The following ATP8A2 variants were observed in gnomAD, a reference collection of about 807,000 sequenced individuals.
ATP8A2 encodes ATPase phospholipid transporting 8A2, also known as phospholipid-transporting ATPase IB.
In ATP8A2, 100 loss-of-function variants were observed where a neutral mutation model predicts 165.6. The observed-to-expected ratio is 0.60, with a 90% CI of 0.51 to 0.71. The LOEUF (loss-of-function observed/expected upper bound fraction) is 0.71, where lower values mean the gene tolerates loss of function less well. ATP8A2 is among the 30% of genes least tolerant of loss of function. The pLI, the probability that ATP8A2 is intolerant of heterozygous loss-of-function variation, is 0.00. For missense variants in ATP8A2, 1,227 were observed against 1,479.5 expected (o/e 0.83, Z 2.80); for synonymous variants, 543 against 548.8 (o/e 0.99, Z 0.15).
At chr13:25,974,049 G>A (rs1955971236) in intron 35 of ATP8A2, among the ~76,000 whole-genome samples, 1 of 152,220 alleles carries the variant, frequency 6.6e-6, no homozygotes, top group African/African-American at 2.4e-5. Flanking sequence ...TTTCCTTCCA[G>A]CTGCATTTTT....
At chr13:25,784,264 C>T (rs1472341947) in intron 27 of ATP8A2, among the ~76,000 whole-genome samples, 1 of 152,144 alleles carries the variant, frequency 6.6e-6, no homozygotes, top group Non-Finnish European at 1.5e-5. Flanking sequence ...GAAACAGAGC[C>T]CATGCAAAGA....
intron 24 of ATP8A2, among the ~76,000 whole-genome samples, chr13:25,613,547 C>A (rs1249553674): frequency 6.6e-6 from 1 of 152,074 alleles, no homozygotes; most frequent in Non-Finnish European, 1.5e-5. Context: ...GCACTCCAGC[C>A]TGGAGACAGA....
At chr13:25,457,639 A>G (rs1165753706) in intron 1 of ATP8A2, among the ~76,000 whole-genome samples, 1 of 152,214 alleles carries the variant, frequency 6.6e-6, no homozygotes, top group Non-Finnish European at 1.5e-5. Context: ...ACACTCATCT[A>G]TGGCACCTTA....
At chr13:25,476,469 G>T (rs2035999812) in intron 2 of ATP8A2, among the ~76,000 whole-genome samples, 1 of 151,924 alleles carries the variant, frequency 6.6e-6, no homozygotes, top group African/African-American at 2.4e-5. Context: ...TTGAATTTTT[G>T]GTAGAGAACG....
intron 24 of ATP8A2, among the ~76,000 whole-genome samples, chr13:25,681,884 C>A (rs568862130): frequency 6.6e-6 from 1 of 152,222 alleles, no homozygotes; most frequent in Non-Finnish European, 1.5e-5. Context: ...TGAGAACAAA[C>A]GAAGACTTGG....
chr13:25,945,535 G>A (rs987226353), intron 33 of ATP8A2, among the ~76,000 whole-genome samples: 1 of 152,132 alleles, frequency 6.6e-6, no homozygotes, highest in African/African-American at 2.4e-5. Context: ...ATTAATTCAA[G>A]TCTTTTCTCC....
intron 2 of ATP8A2, among the ~76,000 whole-genome samples, chr13:25,482,211 A>G (rs1244687294): frequency 1.3e-5 from 2 of 152,182 alleles, no homozygotes; most frequent in African/African-American, 4.8e-5. Context: ...GCCTTAGAGG[A>G]AAACCATCTG....
In ATP8A2 at chr13:25,750,109, T is replaced by C. The variant is rs1432541474; in HGVS notation, c.2385-18937T>C. ...TTCATCTTTAGAAATCATCTGATTG[T>C]CTCAATATTTATTTACTTATTTGTG... On this transcript the variant is annotated intron_variant, in intron 25 of 36. Transcript: ENST00000381655. The surrounding 1 kb of genome is among the most constrained non-coding windows in gnomAD (Gnocchi z 4.3). Among the ~76,000 whole-genome samples, 3 of 152,166 alleles carry C rather than the reference T, an allele frequency of 2.0e-5. No homozygotes were observed. Among genetic ancestry groups the C allele is most frequent in the Non-Finnish European group, 4.4e-5 (3 of 68,020 alleles).
intron 33 of ATP8A2, among the ~76,000 whole-genome samples, chr13:25,900,149 C>G (rs1593528427): frequency 6.6e-6 from 1 of 152,210 alleles, no homozygotes; most frequent in East Asian, 1.9e-4. Flanking sequence ...GAGGATAAGA[C>G]AGGAATTTAT....
chr13:25,977,481 G>A (rs1434443025), intron 35 of ATP8A2, among the ~76,000 whole-genome samples: 2 of 152,162 alleles, frequency 1.3e-5, no homozygotes, highest in African/African-American at 4.8e-5. Context: ...GTGACTGTTT[G>A]CATCCTGGGC....
At chr13:25,800,902 T>G (rs1950609281) in intron 27 of ATP8A2, among the ~76,000 whole-genome samples, 1 of 152,128 alleles carries the variant, frequency 6.6e-6, no homozygotes, top group South Asian at 2.1e-4. Context: ...TGTTGCCCAG[T>G]TCTGTATTAA....
At chr13:25,910,032 G>C (rs759274081) in intron 33 of ATP8A2, among the ~76,000 whole-genome samples, 1 of 152,060 alleles carries the variant, frequency 6.6e-6, no homozygotes, top group Non-Finnish European at 1.5e-5. Context: ...TGCCTGTCCC[G>C]TCATCTGCTG....
chr13:25,532,763 C>T (rs896300069), intron 5 of ATP8A2, among the ~76,000 whole-genome samples: 25 of 152,030 alleles, frequency 1.6e-4, no homozygotes, highest in African/African-American at 5.8e-4. Flanking sequence ...ACCTCCCAGG[C>T]TCAGGTGATC....
chr13:25,408,714 A>G (rs915323732), intron 1 of ATP8A2, among the ~76,000 whole-genome samples: 5 of 152,178 alleles, frequency 3.3e-5, no homozygotes, highest in African/African-American at 4.8e-5. Context: ...TTATTTTAAA[A>G]GACTGTTTAT....
rs139911589 is a variant in ATP8A2, at chr13:25,448,637, A to G, written c.77-20340A>G. On this transcript the variant is annotated intron_variant, in intron 1 of 36. Coordinates refer to ENST00000381655, the MANE Select transcript of ATP8A2 (RefSeq NM_016529.6). ...TCTCATGAAGACAGAGGATAATTTA[A>G]TAAGGCTCTTTTTATTTTATTTATT... is the stretch of plus-strand genomic sequence containing the variant. Among the ~76,000 whole-genome samples, 844 of 152,190 alleles carry G rather than the reference A, an allele frequency of 5.5e-3. 7 individuals are homozygous for G. The highest frequency in any genetic ancestry group is 0.019 in the African/African-American group (799 of 41,536).
chr13:25,435,963 G>A (rs2034760501), intron 1 of ATP8A2, among the ~76,000 whole-genome samples: 1 of 151,460 alleles, frequency 6.6e-6, no homozygotes, highest in Non-Finnish European at 1.5e-5. Flanking sequence ...GTGTGTGTGT[G>A]TGTGTGTGTA....
At chr13:25,550,205 C>G (rs571241973) in intron 10 of ATP8A2, among the ~76,000 whole-genome samples, 1 of 151,842 alleles carries the variant, frequency 6.6e-6, no homozygotes, top group African/African-American at 2.4e-5. Context: ...ACTTGGGAGG[C>G]GAGGCACAAG....
intron 18 of ATP8A2, among the ~76,000 whole-genome samples, chr13:25,572,655 A>G (rs1192181117): frequency 6.6e-6 from 1 of 152,200 alleles, no homozygotes; most frequent in Non-Finnish European, 1.5e-5. Context: ...GTTTTTCATG[A>G]TGACCAGTTA....
At chr13:25,428,275 C>G (rs918193735) in intron 1 of ATP8A2, among the ~76,000 whole-genome samples, 1 of 152,136 alleles carries the variant, frequency 6.6e-6, no homozygotes, top group Non-Finnish European at 1.5e-5. Flanking sequence ...ATTTATGAAG[C>G]ATGCCTCAGT....
Sources: gnomAD v4.1 joint callset for allele counts (sites outside exome capture counted in the v4.1 genomes callset) on GRCh38, gnomAD v4.1.1 for gene constraint, Gnocchi (gnomAD v3.1) non-coding constraint, MANE v1.5 for transcripts, NCBI Gene and HGNC (gene_info 2026-07-23, HGNC 2026-07-21) for gene names.